The following SPATS2 variants were observed in gnomAD, a reference collection of about 807,000 sequenced individuals.
SPATS2 encodes spermatogenesis associated serine rich 2, also known as spermatogenesis-associated serine-rich protein 2.
SPATS2 carries 38 observed loss-of-function variants against 63.7 expected under a neutral mutation model. The observed-to-expected ratio is 0.60, with a 90% CI of 0.46 to 0.78. SPATS2 has a LOEUF of 0.78. Ranked by LOEUF, SPATS2 falls within the 30% of genes least tolerant of loss-of-function variation. SPATS2 has a pLI of 0.00. For synonymous variants in SPATS2, 207 were observed against 232.9 expected, an observed-to-expected ratio of 0.89 and a Z score of 1.01; for missense variants, 588 against 666.2, an observed-to-expected ratio of 0.88 and a Z score of 1.29.
intron 2 of SPATS2, among the ~76,000 whole-genome samples, chr12:49,435,756 G>T (rs947681330): frequency 6.7e-6 from 1 of 149,666 alleles, no homozygotes; most frequent in African/African-American, 2.5e-5. Context: ...AGTGAACAAA[G>T]GTCTCTGGTT....
chr12:49,465,019 T>C lies in SPATS2; in HGVS notation c.25+3982T>C, dbSNP rs1945887835. Among the ~76,000 whole-genome samples, 3 of 152,242 alleles carry C rather than the reference T, an allele frequency of 2.0e-5. No homozygotes were observed. In the South Asian group the frequency reaches 6.2e-4, roughly 32 times the overall value. The stretch of plus-strand genomic sequence containing the variant: ...TCTGGCTTCTTTTCACTTAGTGTAA[T>C]GTTTTTAAGGTTCCTCCATATTGTT... On this transcript the variant is annotated intron_variant, in intron 3 of 13. Coordinates refer to ENST00000552918, the MANE Select transcript of SPATS2 (RefSeq NM_023071.4).
chr12:49,510,293 G>A (rs149069455), intron 9 of SPATS2, among the ~76,000 whole-genome samples: 34 of 151,306 alleles, frequency 2.2e-4, no homozygotes, highest in African/African-American at 7.0e-4. Flanking sequence ...CAGGTACAGC[G>A]GTTCATGCCT....
In SPATS2 at chr12:49,380,413, A is replaced by G. The variant is rs112694605; in HGVS notation, c.-244+9123A>G. Among the ~76,000 whole-genome samples the G allele has an allele frequency of 7.5e-3, 1,133 of 152,062 alleles. 10 individuals are homozygous for G. The highest frequency in any genetic ancestry group is 0.026 in the African/African-American group (1,066 of 41,492). ...AATGCCTTCCAGGTCATTTGAAAAA[A>G]TCTGTTTATTGGCCATGCACGGTGA... On this transcript the variant is annotated intron_variant, in intron 2 of 13. Transcript: ENST00000552918.
chr12:49,441,202 C>A (rs993508994), intron 2 of SPATS2, among the ~76,000 whole-genome samples: 1 of 152,194 alleles, frequency 6.6e-6, no homozygotes, highest in Non-Finnish European at 1.5e-5. Context: ...CTACATTCCT[C>A]ACTCAAGCCC....
At chr12:49,402,475 A>C (rs60827238) in intron 2 of SPATS2, among the ~76,000 whole-genome samples, 14,011 of 152,090 alleles carry the variant, frequency 0.092, 754 homozygotes, top group African/African-American at 0.14. Context: ...GCTGAAGTTG[A>C]GATTGTTGGG....
chr12:49,450,947 G>T (rs61560013), intron 2 of SPATS2, among the ~76,000 whole-genome samples: 1,958 of 147,958 alleles, frequency 0.013, 43 homozygotes, highest in African/African-American at 0.045. Flanking sequence ...CGGCTCGCTG[G>T]AACCTCTGCC....
At chr12:49,475,427 CTTGTTGTTGTTG>C (rs111655814) in intron 3 of SPATS2, among the ~76,000 whole-genome samples, 7 of 151,390 alleles carry the variant, frequency 4.6e-5, no homozygotes, top group African/African-American at 1.7e-4. Flanking sequence ...TGGTAGAATT[CTTGTTGTTGTTG>C]TTGTTGTTGT....
intron 2 of SPATS2, among the ~76,000 whole-genome samples, chr12:49,450,861 G>GT (rs1372150012): frequency 6.7e-5 from 10 of 149,328 alleles, no homozygotes; most frequent in Non-Finnish European, 7.4e-5. Flanking sequence ...GTTTTGTTTT[G>GT]TTTTGTTTTT....
At chr12:49,369,896 AGGT>A (rs769226038) in intron 1 of SPATS2, among the ~76,000 whole-genome samples, 32 of 152,218 alleles carry the variant, frequency 2.1e-4, no homozygotes, top group Admixed American at 3.9e-4. Context: ...CTCAGTACTC[AGGT>A]GCCCTTGAGC....
At chr12:49,524,102 TTAGA>T (rs1301575936) in intron 12 of SPATS2, among the ~76,000 whole-genome samples, 5 of 152,106 alleles carry the variant, frequency 3.3e-5, no homozygotes, top group Non-Finnish European at 5.9e-5. Flanking sequence ...TTTTTTTCAG[TTAGA>T]TAGGTACTTT....
At chr12:49,435,364 G>C (rs1266604715) in intron 2 of SPATS2, among the ~76,000 whole-genome samples, 1 of 141,302 alleles carries the variant, frequency 7.1e-6, no homozygotes, top group East Asian at 2.1e-4. Context: ...TAGCTTTGTC[G>C]CCCGGGCCAG....
At chr12:49,502,208 T>C (rs1946577863) in intron 9 of SPATS2, among the ~76,000 whole-genome samples, 1 of 152,194 alleles carries the variant, frequency 6.6e-6, no homozygotes, top group African/African-American at 2.4e-5. Context: ...AAATTTAGTC[T>C]AGTCACTTTT....
chr12:49,453,856 CT>C (rs869155580), intron 2 of SPATS2, among the ~76,000 whole-genome samples: 4,465 of 75,958 alleles, frequency 0.059, 24 homozygotes, highest in Non-Finnish European at 0.066. Flanking sequence ...AAATAGCATT[CT>C]TTTTTTTTTT....
intron 2 of SPATS2, among the ~76,000 whole-genome samples, chr12:49,454,889 A>C (rs114975068): frequency 0.015 from 2,271 of 151,722 alleles, 58 homozygotes; most frequent in African/African-American, 0.052. Context: ...TTAAAAAAAA[A>C]AAAAAAAAAC....
chr12:49,522,140 A>G (rs1396119199), intron 11 of SPATS2, among the ~76,000 whole-genome samples: 1 of 152,056 alleles, frequency 6.6e-6, no homozygotes, highest in East Asian at 1.9e-4. Flanking sequence ...TAGCATGGTT[A>G]GTTTTTGACT....
chr12:49,477,911 C>T (rs1303705137), intron 3 of SPATS2, among the ~76,000 whole-genome samples: 1 of 150,624 alleles, frequency 6.6e-6, no homozygotes, highest in Admixed American at 6.6e-5. Context: ...ATTTACCACC[C>T]AGGAAATTAA....
intron 2 of SPATS2, among the ~76,000 whole-genome samples, chr12:49,378,280 A>G (rs1944145484): frequency 6.9e-6 from 1 of 145,098 alleles, no homozygotes. Context: ...ATTTTATTTT[A>G]TTTTATTTTA....
intron 6 of SPATS2, among the ~76,000 whole-genome samples, chr12:49,493,757 C>T (rs907551340): frequency 2.0e-5 from 3 of 152,178 alleles, no homozygotes; most frequent in South Asian, 2.1e-4. Flanking sequence ...TGGTTCTCCA[C>T]CCCCAAGGCA....
intron 2 of SPATS2, among the ~76,000 whole-genome samples, chr12:49,405,021 C>T (rs1944670752): frequency 6.6e-6 from 1 of 151,122 alleles, no homozygotes; most frequent in South Asian, 2.1e-4. Flanking sequence ...TGCTTTCACA[C>T]TGCAGCAGCA....
Sources: allele counts gnomAD v4.1 joint callset (sites outside exome capture counted in the v4.1 genomes callset), GRCh38; gene constraint gnomAD v4.1.1; transcripts MANE v1.5; gene names NCBI Gene and HGNC (gene_info 2026-07-23, HGNC 2026-07-21).